APBB2: variants seen among roughly 807,000 people sequenced by gnomAD.
The protein encoded by APBB2 is amyloid beta precursor protein binding family B member 2.
Under a neutral mutation model 82.5 loss-of-function variants are expected in APBB2, and 38 were observed. That is an observed-to-expected ratio of 0.46 (90% confidence interval 0.36 to 0.60). The LOEUF (loss-of-function observed/expected upper bound fraction) is 0.60, where lower values mean the gene tolerates loss of function less well. Among genes scored for constraint, APBB2 ranks in the 20% least tolerant of loss-of-function variants. The pLI, the probability that APBB2 is intolerant of heterozygous loss-of-function variation, is 0.00. For missense variants in APBB2, 772 were observed against 972.3 expected (o/e 0.79, Z 2.74); for synonymous variants, 341 against 368.2 (o/e 0.93, Z 0.85).
At chr4:40,903,469 A>G (rs2154358304) in intron 10 of APBB2, among the ~76,000 whole-genome samples, 1 of 152,320 alleles carries the variant, frequency 6.6e-6, no homozygotes, top group East Asian at 1.9e-4. Flanking sequence ...TCCGTCTCAA[A>G]AAAATAAATA....
chr4:40,888,173 G>A (rs1380520229), intron 12 of APBB2, among the ~76,000 whole-genome samples: 2 of 152,218 alleles, frequency 1.3e-5, no homozygotes, highest in Non-Finnish European at 2.9e-5. Context: ...TCACTGAACC[G>A]ATTACTGTAT....
At chr4:40,956,282 A>ATAGG (rs1420514736) in intron 6 of APBB2, among the ~76,000 whole-genome samples, 1 of 152,160 alleles carries the variant, frequency 6.6e-6, no homozygotes, top group Non-Finnish European at 1.5e-5. Flanking sequence ...TAGATCATGA[A>ATAGG]TAGGTTTGCT....
At chr4:40,990,930 C>G (rs549561673) in intron 6 of APBB2, among the ~76,000 whole-genome samples, 61 of 151,312 alleles carry the variant, frequency 4.0e-4, no homozygotes, top group African/African-American at 1.4e-3. Flanking sequence ...GAAGGAAACC[C>G]TGAATGGGGG....
intron 1 of APBB2, among the ~76,000 whole-genome samples, chr4:41,204,874 T>C (rs1471522240): frequency 6.6e-6 from 1 of 152,196 alleles, no homozygotes; most frequent in African/African-American, 2.4e-5. Flanking sequence ...TAGTCACCAT[T>C]CAAAACACTG....
At chr4:41,188,279 C>T (rs1773476480) in intron 1 of APBB2, among the ~76,000 whole-genome samples, 1 of 152,190 alleles carries the variant, frequency 6.6e-6, no homozygotes, top group African/African-American at 2.4e-5. Flanking sequence ...TATTGACAAG[C>T]TACCTCCATG....
At chr4:40,921,800 T>C (rs1421062811) in intron 10 of APBB2, among the ~76,000 whole-genome samples, 2 of 152,236 alleles carry the variant, frequency 1.3e-5, no homozygotes, top group African/African-American at 2.4e-5. Context: ...CTGGGTTCCA[T>C]GTGTCATTTA....
intron 10 of APBB2, among the ~76,000 whole-genome samples, chr4:40,920,011 CCT>C (rs1025567428): frequency 6.6e-5 from 10 of 152,130 alleles, no homozygotes; most frequent in Admixed American, 5.9e-4. Flanking sequence ...GCTGTTTTTT[CCT>C]CTTTTGTCAT....
intron 2 of APBB2, among the ~76,000 whole-genome samples, chr4:41,107,563 C>CAA (rs1396214992): frequency 6.6e-6 from 1 of 152,172 alleles, no homozygotes; most frequent in Non-Finnish European, 1.5e-5. Context: ...CACTCACACA[C>CAA]AGTCTCAGAA....
At chr4:41,093,756 A>C (rs968792650) in intron 3 of APBB2, among the ~76,000 whole-genome samples, 9 of 152,040 alleles carry the variant, frequency 5.9e-5, no homozygotes, top group African/African-American at 2.2e-4. Flanking sequence ...TGGGAGCCTG[A>C]GGCGGAAGAA....
intron 12 of APBB2, among the ~76,000 whole-genome samples, chr4:40,846,982 A>T (rs187016528): frequency 6.6e-5 from 10 of 152,298 alleles, no homozygotes. Flanking sequence ...TGCATCTCTG[A>T]ATATCTGAGA....
At chr4:40,935,602 G>T (rs1785195368) in intron 7 of APBB2, 1 of 153,466 alleles carries the variant, frequency 6.5e-6, no homozygotes, top group Admixed American at 6.5e-5. Context: ...CAAAAGTTGG[G>T]GGTCAAGATA....
chr4:40,989,185 T>C (rs988194191), intron 6 of APBB2, among the ~76,000 whole-genome samples: 19 of 152,208 alleles, frequency 1.2e-4, no homozygotes, highest in Admixed American at 9.2e-4. Context: ...AGGAGGCAGC[T>C]ATCCCATGTT....
intron 6 of APBB2, among the ~76,000 whole-genome samples, chr4:40,960,435 AT>A (rs1305572128): frequency 4.2e-5 from 6 of 141,756 alleles, no homozygotes; most frequent in East Asian, 2.1e-4. Flanking sequence ...AAAAACAGAA[AT>A]TTTTTTTCGG....
At chr4:41,038,547 C>G (rs894620325) in intron 4 of APBB2, among the ~76,000 whole-genome samples, 2 of 152,216 alleles carry the variant, frequency 1.3e-5, no homozygotes, top group African/African-American at 4.8e-5. Flanking sequence ...AAACACTGCT[C>G]TGGTCACAAT....
Position 41,017,243 on chromosome 4 carries a change from A to G in APBB2, c.20-2845T>C, listed in dbSNP as rs1810250017. 1.3e-5 allele frequency among the ~76,000 whole-genome samples: 2 copies of G among 152,192 alleles called. 1 individual carries two copies. Among genetic ancestry groups the G allele is most frequent in the South Asian group, 4.1e-4 (2 of 4,824 alleles). ...TCAAAGCCTGAACACAGTTTGAGTA[A>G]TATCTTAGACATTAAATAATGGTAT... On this transcript the variant is annotated intron_variant, in intron 5 of 17. Coordinates refer to ENST00000508593, the MANE Select transcript of APBB2 (RefSeq NM_004307.2).
intron 2 of APBB2, 61 bp downstream of exon 2, chr4:41,142,925 CA>C (rs1301559006): frequency 1.3e-5 from 2 of 152,202 alleles, no homozygotes; most frequent in Admixed American, 1.3e-4. Context: ...CTGGAAGGAA[CA>C]AAACAACTTT....
intron 12 of APBB2, among the ~76,000 whole-genome samples, chr4:40,867,133 A>T (rs1764229495): frequency 6.6e-6 from 1 of 152,212 alleles, no homozygotes; most frequent in African/African-American, 2.4e-5. Context: ...TTATTGGAAC[A>T]CAGCCATGCA....
intron 10 of APBB2, among the ~76,000 whole-genome samples, chr4:40,898,858 C>CAA (rs1374456634): frequency 1.6e-5 from 1 of 62,836 alleles, no homozygotes; most frequent in Non-Finnish European, 3.8e-5. Context: ...CACACACTCA[C>CAA]ACACACACAC....
chr4:40,972,401 C>T (rs2154398843), intron 6 of APBB2, among the ~76,000 whole-genome samples: 1 of 148,496 alleles, frequency 6.7e-6, no homozygotes, highest in Admixed American at 6.7e-5. Flanking sequence ...GCGCTCCAGC[C>T]TGGGTGACAG....
Sources: allele counts gnomAD v4.1 joint callset (sites outside exome capture counted in the v4.1 genomes callset), GRCh38; gene constraint gnomAD v4.1.1; transcripts MANE v1.5; gene names NCBI Gene and HGNC (gene_info 2026-07-23, HGNC 2026-07-21).